The following CBY1 variants were observed in gnomAD, a reference collection of about 807,000 sequenced individuals.
The protein encoded by CBY1 is chibby 1, beta catenin antagonist, also known as protein chibby homolog 1.
A neutral mutation model predicts 15.6 loss-of-function variants in CBY1; 10 were observed. That is an observed-to-expected ratio of 0.64 (90% CI 0.40 to 1.09). The LOEUF is 1.09. Among genes scored for constraint, CBY1 ranks in the 50% least tolerant of loss-of-function variants. The pLI, the probability that CBY1 is intolerant of heterozygous loss-of-function variation, is 0.01. For synonymous variants in CBY1, 61 were observed against 63.5 expected, an observed-to-expected ratio of 0.96 and a Z score of 0.19; for missense variants, 150 against 160.5, an observed-to-expected ratio of 0.93 and a Z score of 0.35.
intron 4 of CBY1, 164 bp downstream of exon 4, chr22:38,671,352 A>G (rs2092451977): frequency 3.1e-6 from 2 of 651,006 alleles, no homozygotes; most frequent in South Asian, 3.5e-5. Flanking sequence ...CTGCCCTCAC[A>G]GTGTAGAGGC....
intron 1 of CBY1, chr22:38,657,166 C>G: frequency 1.1e-6 from 1 of 939,446 alleles, no homozygotes; most frequent in Non-Finnish European, 1.3e-6. Flanking sequence ...ATTTTATGGC[C>G]TGTTGCAAAC....
intron 4 of CBY1, among the ~76,000 whole-genome samples, chr22:38,672,565 C>A (rs967682547): frequency 2.0e-5 from 3 of 152,032 alleles, no homozygotes; most frequent in Non-Finnish European, 4.4e-5. Flanking sequence ...ATCTCCCTGT[C>A]TTGGCCTCCC....
chr22:38,672,708 G>T (rs1163729976), intron 4 of CBY1, among the ~76,000 whole-genome samples: 1 of 152,110 alleles, frequency 6.6e-6, no homozygotes, highest in East Asian at 1.9e-4. Flanking sequence ...GACAGAGCGA[G>T]ACCGTGTCTC....
At chr22:38,666,535 T>TC (rs1365631255) in intron 1 of CBY1, 1 of 152,162 alleles carries the variant, frequency 6.6e-6, no homozygotes, top group East Asian at 1.9e-4. Context: ...CTCCGCCATG[T>TC]CGTGGACCTG....
At chr22:38,667,778 C>T in intron 1 of CBY1, 1 of 427,782 alleles carries the variant, frequency 2.3e-6, no homozygotes. Flanking sequence ...GAAAACTAAC[C>T]TACTCCATGA....
At chr22:38,660,565 GACAC>G (rs968045840) in intron 1 of CBY1, among the ~76,000 whole-genome samples, 85 of 151,624 alleles carry the variant, frequency 5.6e-4, no homozygotes, top group African/African-American at 1.9e-3. Context: ...TGTGTATATA[GACAC>G]ACACACACCA....
At chr22:38,658,478 T>TG (rs2092411379) in intron 1 of CBY1, among the ~76,000 whole-genome samples, 1 of 151,380 alleles carries the variant, frequency 6.6e-6, no homozygotes, top group Non-Finnish European at 1.5e-5. Flanking sequence ...TATTTTTTTT[T>TG]GAGATGGAGT....
At chr22:38,672,460 C>T (rs1238619142) in intron 4 of CBY1, among the ~76,000 whole-genome samples, 2 of 151,866 alleles carry the variant, frequency 1.3e-5, no homozygotes, top group African/African-American at 4.8e-5. Flanking sequence ...TCCTGATTAG[C>T]ACCCGCCACC....
intron 1 of CBY1, among the ~76,000 whole-genome samples, chr22:38,664,028 A>C (rs894833647): frequency 6.6e-6 from 1 of 151,870 alleles, no homozygotes; most frequent in Non-Finnish European, 1.5e-5. Flanking sequence ...TTTCAAAAAA[A>C]AAAAAGAAGG....
At chr22:38,668,882 T>C (rs531930218) in intron 2 of CBY1, 1 of 152,566 alleles carries the variant, frequency 6.6e-6, no homozygotes, top group East Asian at 1.9e-4. Flanking sequence ...TGGCCAGAGC[T>C]GGGCATTCTG....
chr22:38,657,933 T>G (rs1010231196), intron 1 of CBY1, among the ~76,000 whole-genome samples: 1 of 152,226 alleles, frequency 6.6e-6, no homozygotes, highest in African/African-American at 2.4e-5. Flanking sequence ...GAATATATTC[T>G]CATTGTAATA....
intron 1 of CBY1, among the ~76,000 whole-genome samples, chr22:38,660,800 C>T (rs981510922): frequency 0.03 from 5 of 166 alleles, no homozygotes; most frequent in Non-Finnish European, 0.061. Flanking sequence ...CGCAATGACA[C>T]GATCTCCCTC....
rs191784875 is a variant in CBY1 at position 38,671,125 on chromosome 22, G to A, written c.240G>A (p.Arg80=). The change falls in exon 4 of 5, where the codon CGG becomes CGA. Residue 80 remains arginine, a synonymous_variant. Coordinates refer to ENST00000216029, the MANE Select transcript of CBY1 (RefSeq NM_015373.4). Reference sequence around the variant, plus strand: ...GGGAGGTTCAGCGCCTTCGCAGGCGGAACCAGCAGTTGGAGGAAGAGAACA... The same window carrying A: ...GGGAGGTTCAGCGCCTTCGCAGGCGAAACCAGCAGTTGGAGGAAGAGAACA... ...DRREVQRLRR[R]NQQLEEENNL... is the part of the protein sequence containing the mutation. 3.8e-5 allele frequency: 62 copies of A among 1,614,262 alleles called. No individual in the cohort carries two copies. In the East Asian group the frequency reaches 1.3e-3, roughly 34 times the overall value.
chr22:38,672,409 A>G (rs2092455417), intron 4 of CBY1, among the ~76,000 whole-genome samples: 1 of 151,534 alleles, frequency 6.6e-6, no homozygotes, highest in Non-Finnish European at 1.5e-5. Context: ...CCCCACTGCA[A>G]CCTCTGCCTC....
At chr22:38,659,663 C>T (rs2092415959) in intron 1 of CBY1, among the ~76,000 whole-genome samples, 3 of 151,900 alleles carry the variant, frequency 2.0e-5, no homozygotes, top group African/African-American at 4.8e-5. Flanking sequence ...GAGATCGAGA[C>T]CATCCTGGCT....
intron 2 of CBY1, among the ~76,000 whole-genome samples, chr22:38,669,199 G>A (rs921632988): frequency 2.0e-5 from 3 of 152,018 alleles, no homozygotes; most frequent in African/African-American, 4.8e-5. Context: ...TTAGTTCCCC[G>A]TTATTACAGG....
chr22:38,670,552 C>T (rs1024327991), intron 2 of CBY1: 1 of 219,756 alleles, frequency 4.6e-6, no homozygotes, highest in Admixed American at 5.2e-5. Context: ...GGGACTATTA[C>T]ATTTAAAAAG....
intron 1 of CBY1, chr22:38,657,270 G>A (rs1400131944): frequency 5.4e-6 from 1 of 185,642 alleles, no homozygotes; most frequent in Non-Finnish European, 1.0e-5. Flanking sequence ...GTCGTTGTGA[G>A]GATCAAGTGC....
chr22:38,663,452 T>G, intron 1 of CBY1, among the ~76,000 whole-genome samples: 1 of 151,762 alleles, frequency 6.6e-6, no homozygotes, highest in Non-Finnish European at 1.5e-5. Context: ...TCCCAGCACT[T>G]TGGGAGGCTG....
Sources: gnomAD v4.1 joint callset for allele counts (sites outside exome capture counted in the v4.1 genomes callset) on GRCh38, gnomAD v4.1.1 for gene constraint, MANE v1.5 for transcripts, NCBI Gene and HGNC (gene_info 2026-07-23, HGNC 2026-07-21) for gene names.